KLF7: variants seen among roughly 807,000 people sequenced by gnomAD.
KLF7 encodes the protein Krueppel-like factor 7.
A neutral mutation model predicts 27.3 loss-of-function variants in KLF7; 2 were observed. The ratio of observed to expected loss-of-function variants is 0.07; its 90% CI spans 0.03 to 0.23. The LOEUF (loss-of-function observed/expected upper bound fraction) is 0.23. Among genes scored for constraint, KLF7 ranks in the 10% least tolerant of loss-of-function variants. The pLI, the probability that KLF7 is intolerant of heterozygous loss-of-function variation, is 1.00. For missense variants in KLF7, 221 were observed against 394.1 expected (o/e 0.56, Z 3.72); for synonymous variants, 165 against 162.4 (o/e 1.02, Z -0.12).
At chr2:207,166,368 A>AGGCGGCCGCCC (rs1246275049), upstream of KLF7, 16 of 187,448 alleles carry the variant, frequency 8.5e-5, 1 homozygote, top group African/African-American at 3.6e-4. Flanking sequence ...AAGGGGGCTG[A>AGGCGGCCGCCC]GGCGGCCGCC....
intron 2 of KLF7, among the ~76,000 whole-genome samples, chr2:207,099,551 G>GAGATATATATATATATATATATAT (rs150515096): frequency 1.0e-4 from 6 of 57,576 alleles, no homozygotes; most frequent in Admixed American, 1.5e-4. Context: ...CTACATATGC[G>GAGATATATATATATATATATATAT]ATATATATAT....
intron 2 of KLF7, among the ~76,000 whole-genome samples, chr2:207,117,988 C>T (rs1479004313): frequency 2.6e-5 from 4 of 152,252 alleles, no homozygotes; most frequent in East Asian, 1.9e-4. Flanking sequence ...GCACTTAATA[C>T]CTGTTCGCAG....
chr2:207,159,175 G>A (rs757236315), intron 1 of KLF7, among the ~76,000 whole-genome samples: 2 of 152,290 alleles, frequency 1.3e-5, no homozygotes, highest in Non-Finnish European at 1.5e-5. Flanking sequence ...ATGGCTCTAC[G>A]TTATTTTAAT....
At chr2:207,124,429 GAAAC>G in intron 1 of KLF7, 25 bp from the exon 2 acceptor site, 1 of 1,533,302 alleles carries the variant, frequency 6.5e-7, no homozygotes, top group Non-Finnish European at 8.8e-7. Context: ...AGGAGGGAGA[GAAAC>G]AGCCATCAGA....
At chr2:207,143,727 G>C (rs1028732095) in intron 1 of KLF7, among the ~76,000 whole-genome samples, 1 of 152,178 alleles carries the variant, frequency 6.6e-6, no homozygotes, top group African/African-American at 2.4e-5. Context: ...CAACGCAGGC[G>C]CCTTCAGCGA....
At chr2:207,145,284 T>C (rs1405734195) in intron 1 of KLF7, among the ~76,000 whole-genome samples, 2 of 152,240 alleles carry the variant, frequency 1.3e-5, no homozygotes, top group Non-Finnish European at 2.9e-5. Context: ...TATTCTTCAC[T>C]CATTTTTTTC....
At chr2:207,114,892 GA>G (rs1363996111) in intron 2 of KLF7, among the ~76,000 whole-genome samples, 11 of 152,134 alleles carry the variant, frequency 7.2e-5, no homozygotes, top group African/African-American at 2.7e-4. Flanking sequence ...AAACTATGCA[GA>G]CCCAACAAAG....
chr2:207,144,168 GA>G lies in KLF7; in HGVS notation c.103-19765del, dbSNP rs1176457671. Among the ~76,000 whole-genome samples the G allele has an allele frequency of 2.5e-3, 161 of 64,634 alleles. 1 individual carries two copies. The highest frequency in any genetic ancestry group is 8.6e-3 in the African/African-American group (153 of 17,788). 42.4% of individuals were successfully genotyped at this position (64,634 alleles called of 152,430 possible). On this transcript the variant is annotated intron_variant, in intron 1 of 3. Coordinates refer to ENST00000309446, the MANE Select transcript of KLF7 (RefSeq NM_003709.4). The stretch of plus-strand genomic sequence containing the variant: ...CTAGGAGTCGTCACAGCGGGGGGGA[GA>G]AAAAAAAAAAAAAGCATAGCTAGAC...
At chr2:207,160,402 T>C (rs925130041) in intron 1 of KLF7, among the ~76,000 whole-genome samples, 15 of 152,266 alleles carry the variant, frequency 9.9e-5, no homozygotes, top group African/African-American at 3.6e-4. Context: ...AACTGATATA[T>C]CGAGTGAACT....
At chr2:207,122,792 T>C (rs1387244796) in intron 2 of KLF7, among the ~76,000 whole-genome samples, 1 of 152,150 alleles carries the variant, frequency 6.6e-6, no homozygotes, top group Non-Finnish European at 1.5e-5. Context: ...CTTACACCTT[T>C]GGGGATTTTC....
At chr2:207,099,466 T>C (rs1030706629) in intron 2 of KLF7, among the ~76,000 whole-genome samples, 2 of 149,744 alleles carry the variant, frequency 1.3e-5, no homozygotes, top group Admixed American at 6.7e-5. Flanking sequence ...CACTAAATTT[T>C]GCTTTTTTGC....
chr2:207,123,663 A>G (rs1158517572), intron 2 of KLF7, 111 bp downstream of exon 2: 6 of 1,207,740 alleles, frequency 5.0e-6, no homozygotes, highest in Non-Finnish European at 5.9e-6. Context: ...CCTGTCTATC[A>G]CCTCCTCATC....
At position 207,124,520 on chromosome 2, in the gene KLF7, C is replaced by G. The variant is rs751762000; in HGVS notation, c.103-116G>C. On this transcript the variant is annotated intron_variant, in intron 1 of 3. Transcript: ENST00000309446. ...GAGAGAATGGTGTCATGGCTTGTAT[C>G]AGAAATGCCTTAGTAGAAGGTCTGA... is the stretch of plus-strand genomic sequence containing the variant. 5 of 1,000,388 alleles carry G rather than the reference C, an allele frequency of 5.0e-6. No homozygotes were observed. In the East Asian group the frequency reaches 1.2e-4, roughly 24 times the overall value. The allele number at this position is 1,000,388 out of a possible 1,614,324, so 62.0% of individuals were successfully genotyped here. A position where few individuals can be genotyped will look rare whatever the true frequency, so the allele number is the denominator to read the frequency against.
At chr2:207,132,894 C>T (rs2077676028) in intron 1 of KLF7, among the ~76,000 whole-genome samples, 1 of 152,234 alleles carries the variant, frequency 6.6e-6, no homozygotes, top group Admixed American at 6.5e-5. Context: ...GACATGATGG[C>T]CCATGCACAG....
rs527595960 is a variant in KLF7, at chr2:207,115,189, A to AG, written c.733+8584dup. 1.9e-3 allele frequency among the ~76,000 whole-genome samples: 286 copies of AG among 151,068 alleles called. 1 individual carries two copies. The highest frequency in any genetic ancestry group is 7.0e-3 in the Middle Eastern group (2 of 286). ...AAAGATGTCAGTTGCAAAAAAAAAA[A>AG]GGGGGGGTATGCCAAGGAAGTTTGG... On this transcript the variant is annotated intron_variant, in intron 2 of 3. Coordinates refer to ENST00000309446, the MANE Select transcript of KLF7 (RefSeq NM_003709.4).
intron 1 of KLF7, 69 bp downstream of exon 1, chr2:207,165,398 C>G: frequency 6.2e-7 from 1 of 1,608,538 alleles, no homozygotes; most frequent in South Asian, 1.1e-5. Context: ...AACCCAGAGC[C>G]CACACCAACG....
chr2:207,088,753 C>A (rs1170977843), intron 2 of KLF7, among the ~76,000 whole-genome samples, 172 bp from the exon 3 acceptor site: 1 of 152,064 alleles, frequency 6.6e-6, no homozygotes, highest in Admixed American at 6.6e-5. Context: ...TTTTCCAAAT[C>A]TCCTGGTGTT....
rs369088910 is a variant in KLF7 at position 207,111,982 on chromosome 2, CA to C, written c.733+11791del. Reference sequence around the variant, plus strand: ...TTTTCAATCTGTATCCTGCTTAAGTCAAATAGGGACTATGCATAATATACTT... The same window carrying C: ...TTTTCAATCTGTATCCTGCTTAAGTCAATAGGGACTATGCATAATATACTT... On this transcript the variant is annotated intron_variant, in intron 2 of 3. Transcript: ENST00000309446. 1.7e-3 allele frequency among the ~76,000 whole-genome samples: 261 copies of C among 151,984 alleles called. 1 individual carries two copies. The highest frequency in any genetic ancestry group is 6.8e-3 in the Middle Eastern group (2 of 294).
intron 2 of KLF7, among the ~76,000 whole-genome samples, chr2:207,106,829 G>C (rs544718793): frequency 1.3e-5 from 2 of 152,132 alleles, no homozygotes; most frequent in Non-Finnish European, 2.9e-5. Flanking sequence ...GATGGAGTGG[G>C]GTGGAAGAAG....
Sources: gnomAD v4.1 joint callset for allele counts (sites outside exome capture counted in the v4.1 genomes callset) on GRCh38, gnomAD v4.1.1 for gene constraint, MANE v1.5 for transcripts, NCBI Gene and HGNC (gene_info 2026-07-23, HGNC 2026-07-21) for gene names.